ARNT2: variants seen among roughly 807,000 people sequenced by gnomAD.
ARNT2 encodes the protein aryl hydrocarbon receptor nuclear translocator 2.
A neutral mutation model predicts 91.7 loss-of-function variants in ARNT2; 36 were observed. The ratio of observed to expected loss-of-function variants is 0.39; its 90% CI spans 0.30 to 0.52. The LOEUF is 0.52. Ranked by LOEUF, ARNT2 falls within the 20% of genes least tolerant of loss-of-function variation. The probability of loss-of-function intolerance (pLI) is 0.72; values close to 1 mark genes in which losing one functional copy is unlikely to be tolerated. For synonymous variants in ARNT2, 365 were observed against 347.1 expected (o/e 1.05, Z -0.57); for missense variants, 775 against 939.3 (o/e 0.83, Z 2.29).
rs567124955 is a variant in ARNT2, at chr15:80,468,150, C to G, written c.195-2068C>G. On this transcript the variant is annotated intron_variant, in intron 3 of 18. Transcript: ENST00000303329. ...AGAGTGGCTGTGCTCTGTGGACCAA[C>G]GGCATTTGTGCCGTGGCTGGTGTTT... 1.4e-3 allele frequency among the ~76,000 whole-genome samples: 219 copies of G among 152,240 alleles called. 8 individuals carry two copies. The South Asian group carries it at 0.043, about 30-fold the overall frequency.
intron 8 of ARNT2, among the ~76,000 whole-genome samples, chr15:80,518,369 C>T (rs1384034629): frequency 6.7e-6 from 1 of 149,372 alleles, no homozygotes; most frequent in Non-Finnish European, 1.5e-5. Flanking sequence ...CAACCTCTGC[C>T]TCCCAGGTTC....
intron 10 of ARNT2, among the ~76,000 whole-genome samples, chr15:80,553,152 C>T (rs1015045627): frequency 1.3e-5 from 2 of 152,198 alleles, no homozygotes; most frequent in Admixed American, 6.5e-5. Context: ...TCTTGTTTCT[C>T]AAGTGCATTT....
intron 8 of ARNT2, among the ~76,000 whole-genome samples, chr15:80,544,220 G>A (rs963842211): frequency 6.6e-5 from 10 of 152,174 alleles, no homozygotes; most frequent in Admixed American, 4.6e-4. Context: ...TGTTTTGGCA[G>A]CTTGGTCTGT....
At chr15:80,408,739 G>A (rs1595950083) in intron 1 of ARNT2, among the ~76,000 whole-genome samples, 1 of 152,032 alleles carries the variant, frequency 6.6e-6, no homozygotes, top group East Asian at 1.9e-4. Context: ...TCAGTTGCAG[G>A]ACACATCATT....
chr15:80,575,696 A>G (rs527921396), intron 14 of ARNT2, among the ~76,000 whole-genome samples: 1 of 152,306 alleles, frequency 6.6e-6, no homozygotes, highest in East Asian at 1.9e-4. Flanking sequence ...CCTGCTGGCC[A>G]GGGGCTGAGT....
chr15:80,422,703 A>T (rs562396827), intron 1 of ARNT2, among the ~76,000 whole-genome samples: 33 of 152,340 alleles, frequency 2.2e-4, no homozygotes, highest in Non-Finnish European at 1.5e-5. Flanking sequence ...TCAGAGGTAA[A>T]GCTGTGTAGT....
At chr15:80,500,707 G>T (rs146045630) in intron 5 of ARNT2, among the ~76,000 whole-genome samples, 2 of 152,338 alleles carry the variant, frequency 1.3e-5, no homozygotes, top group East Asian at 3.9e-4. Context: ...AGGAGTCAGA[G>T]AATGCATTTT....
intron 13 of ARNT2, 49 bp downstream of exon 13, chr15:80,574,269 TG>T: frequency 6.4e-7 from 1 of 1,563,086 alleles, no homozygotes; most frequent in Non-Finnish European, 8.8e-7. Context: ...TCCAGCCCAA[TG>T]GACTTGGGAC....
intron 17 of ARNT2, among the ~76,000 whole-genome samples, chr15:80,590,344 T>C (rs1893254331): frequency 6.6e-6 from 1 of 152,248 alleles, no homozygotes; most frequent in Non-Finnish European, 1.5e-5. Flanking sequence ...TCTCTGAAGG[T>C]ATTTTTTTAA....
At chr15:80,549,885 C>T (rs2141455043) in intron 8 of ARNT2, among the ~76,000 whole-genome samples, 2 of 152,350 alleles carry the variant, frequency 1.3e-5, no homozygotes, top group South Asian at 4.1e-4. Flanking sequence ...GATAATAAAA[C>T]ACATATGCAC....
chr15:80,574,011 G>T, intron 12 of ARNT2, 137 bp from the exon 13 acceptor site: 1 of 661,730 alleles, frequency 1.5e-6, no homozygotes, highest in Non-Finnish European at 2.6e-6. Context: ...AAAATAAAAT[G>T]ATTAAAAATG....
At position 80,552,641 on chromosome 15, in the gene ARNT2, T is replaced by C. The variant is rs1156449568; in HGVS notation, c.956T>C (p.Val319Ala). Residue 319 changes from valine (V) to alanine (A), a missense_variant and splice_region_variant, in exon 10 of 19, where the codon GTG (valine) becomes GCG (alanine). By Grantham distance (64) the Val-to-Ala change is moderately conservative. Transcript: ENST00000303329. ...AACTGTGGATTTTCCCCATCCCAGGTGACCAGCTCTCCTGTATGCATGGAC... is the reference window on the plus strand; with the variant it reads ...AACTGTGGATTTTCCCCATCCCAGGCGACCAGCTCTCCTGTATGCATGGAC... ...YCLVAIGRLQ[V>A]TSSPVCMDMN... 2 of 1,613,680 alleles carry C rather than the reference T, an allele frequency of 1.2e-6. No individual in the cohort carries two copies. The highest frequency in any genetic ancestry group is 1.7e-5 in the Admixed American group (1 of 59,984).
At chr15:80,540,531 C>T (rs915287824) in intron 8 of ARNT2, among the ~76,000 whole-genome samples, 1 of 152,088 alleles carries the variant, frequency 6.6e-6, no homozygotes. Flanking sequence ...TCAGTAGGTA[C>T]ACGTGCAGGT....
rs572530825 is a variant in ARNT2, at chr15:80,597,898, A to T, written c.*4200A>T. 2 of 152,836 alleles carry T rather than the reference A, an allele frequency of 1.3e-5. No homozygotes were observed. Among genetic ancestry groups the T allele is most frequent in the East Asian group, 3.8e-4 (2 of 5,196 alleles). The allele number at this position is 152,836 out of a possible 1,614,324, so 9.5% of individuals were successfully genotyped here. A position where few individuals can be genotyped will look rare whatever the true frequency, so the allele number is the denominator to read the frequency against. ...GTAACTAATGTAACTGCCTTTTAAA[A>T]TTTCATTACAATAAAAATGACTTTG... is the stretch of plus-strand genomic sequence containing the variant. On this transcript the variant is annotated 3_prime_UTR_variant, in exon 19 of 19. Transcript: ENST00000303329.
At chr15:80,517,413 C>T (rs1402579410) in intron 8 of ARNT2, among the ~76,000 whole-genome samples, 1 of 152,074 alleles carries the variant, frequency 6.6e-6, no homozygotes, top group East Asian at 1.9e-4. Flanking sequence ...TTGAATATAA[C>T]ATGCCTAAAT....
At chr15:80,567,514 A>G (rs945398162) in intron 12 of ARNT2, among the ~76,000 whole-genome samples, 1 of 152,156 alleles carries the variant, frequency 6.6e-6, no homozygotes, top group African/African-American at 2.4e-5. Context: ...GAGAATAAAT[A>G]CTTCCCCGCA....
chr15:80,553,257 C>T (rs1270651172), intron 10 of ARNT2, among the ~76,000 whole-genome samples: 1 of 152,080 alleles, frequency 6.6e-6, no homozygotes, highest in African/African-American at 2.4e-5. Context: ...AAGGCAGGAG[C>T]AGTTGTCCCA....
intron 12 of ARNT2, 37 bp downstream of exon 12, chr15:80,563,276 A>G (rs751683131): frequency 2.5e-6 from 4 of 1,611,814 alleles, no homozygotes; most frequent in African/African-American, 1.3e-5. Flanking sequence ...TGGAATCCAC[A>G]TGCGCTTGCT....
At chr15:80,467,470 G>C (rs1392839030) in intron 3 of ARNT2, among the ~76,000 whole-genome samples, 2 of 152,226 alleles carry the variant, frequency 1.3e-5, no homozygotes, top group Admixed American at 6.5e-5. Context: ...TAATGAGCGA[G>C]ATCCCAGAAG....
Sources: gnomAD v4.1 joint callset for allele counts (sites outside exome capture counted in the v4.1 genomes callset) on GRCh38, gnomAD v4.1.1 for gene constraint, MANE v1.5 for transcripts, NCBI Gene and HGNC (gene_info 2026-07-23, HGNC 2026-07-21) for gene names.